RNF10: variants seen among roughly 807,000 people sequenced by gnomAD.
RNF10 encodes the protein ring finger protein 10.
Under a neutral mutation model 91.4 loss-of-function variants are expected in RNF10, and 38 were observed. The ratio of observed to expected loss-of-function variants is 0.42; its 90% CI spans 0.32 to 0.54. The LOEUF is 0.54. Among genes scored for constraint, RNF10 ranks in the 20% least tolerant of loss-of-function variants. The pLI is 0.16. For missense variants in RNF10, 945 were observed against 1,012.0 expected (o/e 0.93, Z 0.90); for synonymous variants, 364 against 366.3 (o/e 0.99, Z 0.07).
intron 11 of RNF10, 65 bp from the exon 12 acceptor site, chr12:120,565,363 T>C: frequency 1.4e-6 from 2 of 1,468,910 alleles, no homozygotes; most frequent in Non-Finnish European, 9.5e-7. Context: ...TAGCTGCTAA[T>C]ACTGGGAGGA....
Position 120,557,528 on chromosome 12 carries a change from T to C in RNF10, c.831-18T>C, listed in dbSNP as rs1472443099. 6.2e-7 allele frequency: 1 copy of C among 1,614,026 alleles called. No individual in the cohort carries two copies. The highest frequency in any genetic ancestry group is 1.3e-5 in the African/African-American group (1 of 74,942). On this transcript the variant is annotated intron_variant, in intron 5 of 16. Transcript: ENST00000325954. ...TCTTCACTCCTTGCCCTGCTACATATGAGTGTCCATGTTTCAGTGTTGTTG... is the reference window on the plus strand; with the variant it reads ...TCTTCACTCCTTGCCCTGCTACATACGAGTGTCCATGTTTCAGTGTTGTTG...
At chr12:120,536,859 T>C (rs1870900322) in intron 1 of RNF10, among the ~76,000 whole-genome samples, 1 of 152,220 alleles carries the variant, frequency 6.6e-6, no homozygotes, top group South Asian at 2.1e-4. Flanking sequence ...ATAAATGCCT[T>C]AAGTTTATTT....
At chr12:120,575,719 T>G (rs368411568) in intron 15 of RNF10, 31 bp downstream of exon 15, 1 of 1,613,974 alleles carries the variant, frequency 6.2e-7, no homozygotes, top group African/African-American at 1.3e-5. Context: ...AAGGGGGAGT[T>G]TGGCTTCTTT....
chr12:120,569,982 T>C (rs903047904), intron 13 of RNF10, among the ~76,000 whole-genome samples: 1 of 152,172 alleles, frequency 6.6e-6, no homozygotes, highest in Non-Finnish European at 1.5e-5. Flanking sequence ...AACTTCCCCC[T>C]CGCGGGTTCA....
intron 16 of RNF10, among the ~76,000 whole-genome samples, chr12:120,576,381 CAG>C (rs1877394864): frequency 6.6e-6 from 1 of 152,208 alleles, no homozygotes; most frequent in African/African-American, 2.4e-5. Context: ...CCTCACGTTA[CAG>C]ATGGGGAAAC....
rs1358598786 is a variant in RNF10, at chr12:120,560,740, C to G, written c.982C>G (p.Gln328Glu). The change falls in exon 7 of 17, where the codon CAG (glutamine) becomes GAG (glutamate). Residue 328 changes from glutamine to glutamate, a missense_variant. Coordinates refer to ENST00000325954, the MANE Select transcript of RNF10 (RefSeq NM_014868.5). The part of the protein sequence containing the change: ...PIHLGDEQHS[Q>E]YSKLLLASKE... ...CATTCTTATAGATGAACAGCACAGC[C>G]AGTACTCCAAGTTGCTGCTGGCCTC... 6.2e-7 allele frequency: 1 copy of G among 1,613,732 alleles called. No individual in the cohort carries two copies. The highest frequency in any genetic ancestry group is 1.3e-5 in the African/African-American group (1 of 74,898).
At chr12:120,542,575 CAG>C (rs1222000566) in intron 1 of RNF10, among the ~76,000 whole-genome samples, 1 of 151,972 alleles carries the variant, frequency 6.6e-6, no homozygotes, top group Non-Finnish European at 1.5e-5. Context: ...TTTTTTGAGA[CAG>C]AGTCTCACTC....
chr12:120,560,044 T>A (rs1304299222), intron 6 of RNF10, among the ~76,000 whole-genome samples: 2 of 152,042 alleles, frequency 1.3e-5, no homozygotes, highest in Non-Finnish European at 2.9e-5. Context: ...CCTCTCAAAG[T>A]ACTGGGATTA....
At chr12:120,567,410 T>G (rs1462348249) in intron 13 of RNF10, among the ~76,000 whole-genome samples, 1 of 152,132 alleles carries the variant, frequency 6.6e-6, no homozygotes, top group Non-Finnish European at 1.5e-5. Context: ...GTAAAATGTT[T>G]CACACCAGAA....
Position 120,534,929 on chromosome 12 carries a change from G to T in RNF10, c.118G>T (p.Ala40Ser). The T allele has an allele frequency of 1.2e-6, 2 of 1,604,628 alleles. No individual in the cohort carries two copies. The highest frequency in any genetic ancestry group is 1.7e-6 in the Non-Finnish European group (2 of 1,179,268). The part of the protein sequence containing the change: ...SSKGQQPPRS[A>S]SAGPAGESKP... The stretch of plus-strand genomic sequence containing the variant: ...CAAAGGGCAACAGCCGCCCCGCTCC[G>T]CCTCGGCGGGGCCAGCCGGCGAGTC... The change falls in exon 1 of 17, where the codon GCC becomes TCC. Residue 40 changes from alanine (A) to serine (S), a missense_variant. By Grantham distance (99) the Ala-to-Ser change is moderately conservative. Coordinates refer to ENST00000325954, the MANE Select transcript of RNF10 (RefSeq NM_014868.5).
intron 6 of RNF10, among the ~76,000 whole-genome samples, chr12:120,558,995 T>C (rs1471217346): frequency 7.0e-6 from 1 of 142,444 alleles, no homozygotes; most frequent in Non-Finnish European, 1.6e-5. Flanking sequence ...ATAATTACTT[T>C]TAATTAATTA....
At chr12:120,539,531 G>C in intron 1 of RNF10, 2 of 760,330 alleles carry the variant, frequency 2.6e-6, no homozygotes, top group East Asian at 6.4e-5. Context: ...CTGGTATTCT[G>C]ACCTCTAGGC....
chr12:120,577,122 C>A lies in RNF10; in HGVS notation c.*456C>A, dbSNP rs1319553447. ...CTGAATCTTTACTACCTATTTAGTT[C>A]TCCTTGTTAAAGAAACAGGGGTGGG... is the stretch of plus-strand genomic sequence containing the variant. On this transcript the variant is annotated 3_prime_UTR_variant, in exon 17 of 17. Transcript: ENST00000325954. 1 of 444,836 alleles carries A rather than the reference C, an allele frequency of 2.2e-6. No individual in the cohort carries two copies. The highest frequency in any genetic ancestry group is 2.0e-5 in the African/African-American group (1 of 48,992). The allele number at this position is 444,836 out of a possible 1,614,324, so 27.6% of individuals were successfully genotyped here.
chr12:120,564,038 G>A (rs1875315246), intron 10 of RNF10, 95 bp downstream of exon 10: 3 of 1,406,324 alleles, frequency 2.1e-6, no homozygotes, highest in Non-Finnish European at 3.0e-6. Context: ...AAACCTTCAA[G>A]GCCTTTAGTT....
At chr12:120,540,686 A>G (rs75827905) in intron 1 of RNF10, among the ~76,000 whole-genome samples, 13,045 of 152,200 alleles carry the variant, frequency 0.086, 703 homozygotes, top group Non-Finnish European at 0.11. Flanking sequence ...GATTTTGGCA[A>G]CTAAAATCAC....
chr12:120,573,042 G>A (rs1876900633), intron 14 of RNF10, among the ~76,000 whole-genome samples: 1 of 150,740 alleles, frequency 6.6e-6, no homozygotes, highest in South Asian at 2.1e-4. Flanking sequence ...TTACTATTTT[G>A]CTGTTATATA....
At chr12:120,571,609 T>C (rs1249013167) in intron 14 of RNF10, among the ~76,000 whole-genome samples, 4 of 152,216 alleles carry the variant, frequency 2.6e-5, no homozygotes, top group African/African-American at 9.6e-5. Flanking sequence ...CAGATGTTAC[T>C]GTAGACGTAC....
At chr12:120,558,236 A>G (rs1029293452) in intron 6 of RNF10, among the ~76,000 whole-genome samples, 1 of 152,214 alleles carries the variant, frequency 6.6e-6, no homozygotes, top group South Asian at 2.1e-4. Context: ...TTAATTCCAG[A>G]TAGATTGAAG....
intron 1 of RNF10, 53 bp from the exon 2 acceptor site, chr12:120,546,352 C>G (rs1289330900): frequency 1.7e-5 from 26 of 1,539,504 alleles, no homozygotes; most frequent in Non-Finnish European, 2.1e-5. Flanking sequence ...GGGCAGTTGG[C>G]TAAGTGAATG....
Sources: gnomAD v4.1 joint callset for allele counts (sites outside exome capture counted in the v4.1 genomes callset) on GRCh38, gnomAD v4.1.1 for gene constraint, MANE v1.5 for transcripts, NCBI Gene and HGNC (gene_info 2026-07-23, HGNC 2026-07-21) for gene names.